Variants in IRAG2 observed in about 807,000 individuals in gnomAD.
IRAG2 encodes inositol 1,4,5-triphosphate receptor associated 2, also known as lymphoid restricted membrane protein.
In IRAG2, 45 loss-of-function variants were observed where a neutral mutation model predicts 69.9. The ratio of observed to expected loss-of-function variants is 0.64; its 90% CI spans 0.51 to 0.83. IRAG2 has a LOEUF of 0.83. Among genes scored for constraint, IRAG2 ranks in the 40% least tolerant of loss-of-function variants. The probability of loss-of-function intolerance (pLI) is 0.00; values close to 1 mark genes in which losing one functional copy is unlikely to be tolerated. For missense variants in IRAG2, 520 were observed against 587.0 expected (o/e 0.89, Z 1.18); for synonymous variants, 193 against 202.4 (o/e 0.95, Z 0.40).
chr12:25,080,599 T>A (rs1683164), intron 9 of IRAG2, among the ~76,000 whole-genome samples: 2 of 151,804 alleles, frequency 1.3e-5, no homozygotes, highest in East Asian at 1.9e-4. Flanking sequence ...TGATCCACCC[T>A]CCTTGGCCTC....
At chr12:25,069,726 G>A (rs1331729270) in intron 6 of IRAG2, among the ~76,000 whole-genome samples, 1 of 152,160 alleles carries the variant, frequency 6.6e-6, no homozygotes, top group African/African-American at 2.4e-5. Context: ...TTGAGAGGCA[G>A]GCTGGTTTGG....
rs1483370292 is a variant in IRAG2, at chr12:25,021,362, A to T, written c.1332+455A>T. 2.6e-5 allele frequency among the ~76,000 whole-genome samples: 4 copies of T among 151,940 alleles called. No homozygotes were observed. In the South Asian group the frequency reaches 6.2e-4, roughly 24 times the overall value. On this transcript the variant is annotated intron_variant, in intron 7 of 38. Coordinates refer to the IRAG2 transcript ENST00000636465. The stretch of plus-strand genomic sequence containing the variant: ...CCAGAAAATATCTGGAATGCCTCCT[A>T]AAGTCGATAGGAGAATTCAAAAATA...
intron 13 of IRAG2, chr12:25,033,962 G>C (rs543684535): frequency 2.0e-5 from 8 of 398,962 alleles, no homozygotes; most frequent in Non-Finnish European, 2.7e-5. Flanking sequence ...GTCATTATAA[G>C]AAGATGGAAA....
intron 2 of IRAG2, chr12:25,006,166 A>T (rs1262887342): frequency 6.6e-6 from 1 of 152,210 alleles, no homozygotes; most frequent in East Asian, 1.9e-4. Flanking sequence ...GCAAATCAAA[A>T]CTGCAATGAG....
intron 1 of IRAG2, among the ~76,000 whole-genome samples, chr12:25,054,237 T>C (rs996507600): frequency 1.3e-5 from 2 of 152,344 alleles, no homozygotes; most frequent in South Asian, 2.1e-4. Context: ...TGTGTTATTT[T>C]ACTACTGCTC....
At chr12:25,040,698 A>T (rs1450170398) in intron 16 of IRAG2, among the ~76,000 whole-genome samples, 1 of 152,172 alleles carries the variant, frequency 6.6e-6, no homozygotes, top group Admixed American at 6.5e-5. Flanking sequence ...ATGCTGAAGA[A>T]TGGAAATAAT....
intron 3 of IRAG2, among the ~76,000 whole-genome samples, chr12:25,012,091 TG>T (rs1391684344): frequency 9.7e-5 from 14 of 144,412 alleles, no homozygotes; most frequent in Admixed American, 6.2e-4. Context: ...TGATCTCAGG[TG>T]CCCTTGGCAG....
At chr12:25,062,222 A>T (rs958807896) in intron 2 of IRAG2, among the ~76,000 whole-genome samples, 5 of 152,176 alleles carry the variant, frequency 3.3e-5, no homozygotes, top group African/African-American at 4.8e-5. Context: ...GAGGAAGATG[A>T]TGGAGGAGGA....
intron 3 of IRAG2, among the ~76,000 whole-genome samples, 199 bp from the exon 4 acceptor site, chr12:25,063,521 A>G (rs79590573): frequency 6.6e-6 from 1 of 152,248 alleles, no homozygotes; most frequent in Non-Finnish European, 1.5e-5. Flanking sequence ...AATAAGAATC[A>G]TAAGTTACTC....
At chr12:25,041,200 G>A (rs905290397) in intron 16 of IRAG2, among the ~76,000 whole-genome samples, 2 of 152,100 alleles carry the variant, frequency 1.3e-5, no homozygotes, top group Admixed American at 6.6e-5. Context: ...CAGGGTGGGG[G>A]GTAAGCAGTG....
upstream of IRAG2, among the ~76,000 whole-genome samples, chr12:25,048,481 G>A (rs1944815402): frequency 6.6e-6 from 1 of 151,958 alleles, no homozygotes; most frequent in South Asian, 2.1e-4. Context: ...ATTTTTAGTA[G>A]AGATGGGCTT....
exon 1 of IRAG2, chr12:25,004,882 T>G: frequency 1.6e-6 from 2 of 1,231,914 alleles, no homozygotes; most frequent in Non-Finnish European, 2.0e-6. Context: ...TCCTCAGGAT[T>G]CAGTGGTAAA....
intron 12 of IRAG2, chr12:25,032,404 T>C (rs1944674864): frequency 2.5e-6 from 1 of 398,918 alleles, no homozygotes; most frequent in South Asian, 1.3e-4. Context: ...GCCTCCTCTC[T>C]TGTTCCTCTA....
At chr12:25,012,710 C>T (rs1030040820) in intron 3 of IRAG2, among the ~76,000 whole-genome samples, 1 of 152,060 alleles carries the variant, frequency 6.6e-6, no homozygotes, top group Non-Finnish European at 1.5e-5. Context: ...CGCCTGTGAT[C>T]CCAATCACGT....
chr12:25,080,376 G>T (rs1947118655), intron 9 of IRAG2, among the ~76,000 whole-genome samples: 1 of 147,650 alleles, frequency 6.8e-6, no homozygotes, highest in Non-Finnish European at 1.5e-5. Flanking sequence ...TTTTGAGACG[G>T]AGTCTCGTTG....
chr12:25,025,992 A>G (rs1027861767), intron 8 of IRAG2, among the ~76,000 whole-genome samples: 1 of 152,230 alleles, frequency 6.6e-6, no homozygotes, highest in African/African-American at 2.4e-5. Context: ...TTTGCTAGCC[A>G]CAAAAATGAC....
intron 1 of IRAG2, among the ~76,000 whole-genome samples, chr12:25,055,963 CAATG>C (rs1945230396): frequency 6.6e-6 from 1 of 152,106 alleles, no homozygotes; most frequent in African/African-American, 2.4e-5. Context: ...TTCTCATAGA[CAATG>C]AGAGAATTAC....
intron 4 of IRAG2, among the ~76,000 whole-genome samples, chr12:25,064,225 T>A (rs1945823373): frequency 6.6e-6 from 1 of 151,912 alleles, no homozygotes; most frequent in African/African-American, 2.4e-5. Flanking sequence ...ATGGAAGAGG[T>A]TAGAGTTGAA....
rs1286529818 is a variant in IRAG2 at position 25,106,755 on chromosome 12, T to C, written c.1149-188T>C. On this transcript the variant is annotated intron_variant, in intron 20 of 21. Coordinates refer to ENST00000556887, the MANE Select transcript of IRAG2 (RefSeq NM_001366544.2). ...ATAGAAGAACTTATTTTTAATTAAA[T>C]TTCTATAAAAGGTTTAAATTATAAA... Among the ~76,000 whole-genome samples, 6 of 151,718 alleles carry C rather than the reference T, an allele frequency of 4.0e-5. No individual in the cohort carries two copies. The East Asian group carries it at 1.2e-3, about 29-fold the overall frequency.
Sources: gnomAD v4.1 joint callset for allele counts (sites outside exome capture counted in the v4.1 genomes callset) on GRCh38, gnomAD v4.1.1 for gene constraint, MANE v1.5 for transcripts, NCBI Gene and HGNC (gene_info 2026-07-23, HGNC 2026-07-21) for gene names.